The following CAPN9 variants were observed in gnomAD, a reference collection of about 807,000 sequenced individuals.
CAPN9 encodes calpain 9.
CAPN9 carries 81 observed loss-of-function variants against 92.8 expected under a neutral mutation model. The observed-to-expected ratio is 0.87, with a 90% confidence interval of 0.73 to 1.05. The LOEUF is 1.05. Ranked by LOEUF, CAPN9 falls within the 50% of genes least tolerant of loss-of-function variation. CAPN9 has a pLI of 0.00. For missense variants in CAPN9, 848 were observed against 866.2 expected, an observed-to-expected ratio of 0.98 and a Z score of 0.26; for synonymous variants, 304 against 328.0, an observed-to-expected ratio of 0.93 and a Z score of 0.79.
At chr1:230,790,215 T>A in intron 14 of CAPN9, 26 bp downstream of exon 14, 1 of 1,613,410 alleles carries the variant, frequency 6.2e-7, no homozygotes, top group Non-Finnish European at 8.5e-7. Flanking sequence ...ATCGGGGTCC[T>A]GGGGCACCTA....
intron 14 of CAPN9, among the ~76,000 whole-genome samples, chr1:230,791,410 G>A (rs1222554905): frequency 6.6e-6 from 1 of 152,128 alleles, no homozygotes; most frequent in East Asian, 1.9e-4. Context: ...ACCAGCAGCA[G>A]TATGGGAGTA....
intron 1 of CAPN9, among the ~76,000 whole-genome samples, chr1:230,753,513 C>T (rs976215505): frequency 5.9e-5 from 9 of 152,188 alleles, no homozygotes; most frequent in Non-Finnish European, 7.3e-5. Context: ...AATCTCTGTC[C>T]TGCCTTTGAT....
chr1:230,755,834 C>T (rs1202680046), intron 2 of CAPN9, among the ~76,000 whole-genome samples: 1 of 152,160 alleles, frequency 6.6e-6, no homozygotes, highest in African/African-American at 2.4e-5. Context: ...AGTAACTTGT[C>T]CAAGGTCACA....
At chr1:230,766,748 T>C (rs976801834) in intron 4 of CAPN9, among the ~76,000 whole-genome samples, 11 of 152,180 alleles carry the variant, frequency 7.2e-5, no homozygotes, top group African/African-American at 2.4e-4. Flanking sequence ...AGACATTCAA[T>C]TGGACTCACA....
chr1:230,754,488 A>C (rs1260278491), intron 1 of CAPN9, among the ~76,000 whole-genome samples: 1 of 151,796 alleles, frequency 6.6e-6, no homozygotes, highest in East Asian at 1.9e-4. Flanking sequence ...GATACATGAA[A>C]TTTTACCTAA....
chr1:230,756,801 G>C (rs1352509856), intron 2 of CAPN9, among the ~76,000 whole-genome samples: 1 of 152,084 alleles, frequency 6.6e-6, no homozygotes, highest in Non-Finnish European at 1.5e-5. Context: ...AATTAGCCAG[G>C]CTTGGTGGTG....
At chr1:230,759,950 C>A (rs1175430446) in intron 3 of CAPN9, among the ~76,000 whole-genome samples, 2 of 152,184 alleles carry the variant, frequency 1.3e-5, no homozygotes, top group African/African-American at 4.8e-5. Flanking sequence ...TTGACTAAAC[C>A]AATTATACCT....
At position 230,769,146 on chromosome 1, in the gene CAPN9, C is replaced by T. The variant is rs540636304; in HGVS notation, c.706-34C>T. On this transcript the variant is annotated intron_variant, in intron 5 of 19. Coordinates refer to ENST00000271971, the MANE Select transcript of CAPN9 (RefSeq NM_006615.3). The stretch of plus-strand genomic sequence containing the variant: ...TCCAGCAGGGGAGGCTTGACTTAGA[C>T]GGTGGGTGTGACTCTGCTCTTTCCA... The T allele has an allele frequency of 1.7e-5, 26 of 1,559,698 alleles. No homozygotes were observed. In the Admixed American group the frequency reaches 2.8e-4, roughly 17 times the overall value.
At chr1:230,780,081 C>CGTGTGTGT (rs59033537) in intron 9 of CAPN9, 98 bp from the exon 10 acceptor site, 27 of 647,066 alleles carry the variant, frequency 4.2e-5, no homozygotes, top group African/African-American at 1.9e-4. Flanking sequence ...GGTGTATGTG[C>CGTGTGTGT]GTGTGTGTGT....
chr1:230,792,963 C>T (rs2102931845), intron 17 of CAPN9, 35 bp downstream of exon 17: 4 of 1,525,044 alleles, frequency 2.6e-6, no homozygotes, highest in Non-Finnish European at 3.6e-6. Flanking sequence ...TGGCTGACTG[C>T]ATGCCAGGTA....
chr1:230,747,822 G>GC, intron 1 of CAPN9, 113 bp downstream of exon 1: 33 of 876,152 alleles, frequency 3.8e-5, no homozygotes, highest in Non-Finnish European at 5.9e-5. Flanking sequence ...GTGCAACTGA[G>GC]GTGCATCATC....
At position 230,766,849 on chromosome 1, in the gene CAPN9, C is replaced by T. The variant is rs916542571; in HGVS notation, c.537-692C>T. Among the ~76,000 whole-genome samples the T allele has an allele frequency of 3.9e-5, 6 of 152,070 alleles. No individual in the cohort carries two copies. In the East Asian group the frequency reaches 1.2e-3, roughly 29 times the overall value. On this transcript the variant is annotated intron_variant, in intron 4 of 19. Coordinates refer to ENST00000271971, the MANE Select transcript of CAPN9 (RefSeq NM_006615.3). ...CATGGATGGTGGCAGGCAAAGAGGG[C>T]TTGGGCAGGGAAATTCCCATTTTTA...
Position 230,795,280 on chromosome 1 carries a change from G to T in CAPN9, c.1987+1G>T. The T allele has an allele frequency of 6.3e-7, 1 of 1,598,068 alleles. No homozygotes were observed. Among genetic ancestry groups the T allele is most frequent in the East Asian group, 2.2e-5 (1 of 44,740 alleles). On this transcript the variant is annotated splice_donor_variant, in intron 18 of 19. Transcript: ENST00000271971. LOFTEE classifies it high-confidence loss of function. ...CTGGTCCGGCTGGAGAATGCGAGCC[G>T]TAAGTGTCCAGCGAGGCTGAGGGTG...
At chr1:230,767,859 C>A in intron 5 of CAPN9, 150 bp downstream of exon 5, 1 of 697,458 alleles carries the variant, frequency 1.4e-6, no homozygotes, top group Non-Finnish European at 2.4e-6. Context: ...CTAATTAAAA[C>A]ACAAGTTTTG....
rs776740536 is a variant in CAPN9, at chr1:230,772,094, C to G, written c.870C>G (p.Ser290Arg). 6.2e-6 allele frequency: 10 copies of G among 1,613,866 alleles called. No individual in the cohort carries two copies. In the Admixed American group the frequency reaches 1.2e-4, roughly 19 times the overall value. ...AGGTTGAGTGGAACGGGTCGTGGAG[C>G]GACAGGTCAGTCACCCTATCCTGCC... ...WGQVEWNGSWSDSSPEWRSVG... is the reference protein window; with the variant it reads ...WGQVEWNGSWRDSSPEWRSVG... The change falls in exon 7 of 20, where the codon AGC becomes AGG. Residue 290 changes from serine to arginine, a missense_variant. By Grantham distance (110) the Ser-to-Arg change is moderately radical. Transcript: ENST00000271971.
At position 230,780,281 on chromosome 1, in the gene CAPN9, G is replaced by A; in HGVS notation, c.1217G>A (p.Arg406Lys). The A allele has an allele frequency of 6.2e-7, 1 of 1,614,134 alleles. No homozygotes were observed. Among genetic ancestry groups the A allele is most frequent in the Non-Finnish European group, 8.5e-7 (1 of 1,180,012 alleles). ...GTAGCCCTGATGCAGAAAGATAGAA[G>A]GAAACTCAAGAGATTTGGTGCCAAT... ...FLVALMQKDR[R>K]KLKRFGANVL... The change falls in exon 10 of 20, where the codon AGG (arginine) becomes AAG (lysine). Residue 406 changes from arginine (R) to lysine (K), a missense_variant. Arg to Lys is a conservative substitution (Grantham distance 26). Coordinates refer to ENST00000271971, the MANE Select transcript of CAPN9 (RefSeq NM_006615.3).
intron 8 of CAPN9, among the ~76,000 whole-genome samples, chr1:230,777,516 T>G (rs1016208647): frequency 2.0e-5 from 3 of 151,752 alleles, no homozygotes; most frequent in Non-Finnish European, 2.9e-5. Context: ...TCATTCCCCT[T>G]AGCACTCCAA....
chr1:230,786,982 A>G (rs1241850119), intron 12 of CAPN9, among the ~76,000 whole-genome samples: 1 of 152,198 alleles, frequency 6.6e-6, no homozygotes, highest in Non-Finnish European at 1.5e-5. Flanking sequence ...GGGACAGCAG[A>G]GATCTGCTTT....
rs565670485 is a variant in CAPN9 at position 230,764,801 on chromosome 1, G to A, written c.536+2015G>A. 7.9e-5 allele frequency among the ~76,000 whole-genome samples: 12 copies of A among 152,328 alleles called. No homozygotes were observed. The South Asian group carries it at 2.5e-3, about 32-fold the overall frequency. ...GATTGAGAGGTTACAGATAGGCAAG[G>A]GGAGGAGGCCAGAATGATCCATGCA... On this transcript the variant is annotated intron_variant, in intron 4 of 19. Transcript: ENST00000271971.
Sources: gnomAD v4.1 joint callset for allele counts (sites outside exome capture counted in the v4.1 genomes callset) on GRCh38, gnomAD v4.1.1 for gene constraint, MANE v1.5 for transcripts, NCBI Gene and HGNC (gene_info 2026-07-23, HGNC 2026-07-21) for gene names.